The following PALB2 variants were observed in gnomAD, a reference collection of about 807,000 sequenced individuals.
PALB2 encodes partner and localizer of BRCA2.
PALB2 carries 82 observed loss-of-function variants against 107.4 expected under a neutral mutation model. That is an observed-to-expected ratio of 0.76 (90% CI 0.64 to 0.92). The LOEUF (loss-of-function observed/expected upper bound fraction) is 0.92, where lower values mean the gene tolerates loss of function less well. Ranked by LOEUF, PALB2 falls within the 40% of genes least tolerant of loss-of-function variation. The probability of loss-of-function intolerance (pLI) is 0.00; values close to 1 mark genes in which losing one functional copy is unlikely to be tolerated. For missense variants in PALB2, 1,374 were observed against 1,379.9 expected, an observed-to-expected ratio of 1.00 and a Z score of 0.07; for synonymous variants, 489 against 496.8, an observed-to-expected ratio of 0.98 and a Z score of 0.21.
Position 23,641,279 on chromosome 16 carries a change from C to G in PALB2, c.-122G>C. On this transcript the variant is annotated 5_prime_UTR_variant, in exon 1 of 13. Transcript: ENST00000261584. ...AGGAATGGGGAGCCCGGGATCGCAC[C>G]CTCAGTGCGCGATCAGCTGACCCAC... 1 of 1,295,202 alleles carries G rather than the reference C, an allele frequency of 7.7e-7. No individual in the cohort carries two copies. The allele number at this position is 1,295,202 out of a possible 1,614,324, so 80.2% of individuals were successfully genotyped here.
At position 23,641,270 on chromosome 16, in the gene PALB2, G is replaced by C; in HGVS notation, c.-113C>G. 7.2e-7 allele frequency: 1 copy of C among 1,379,658 alleles called. No homozygotes were observed. The highest frequency in any genetic ancestry group is 1.0e-6 in the Non-Finnish European group (1 of 996,132). 85.5% of individuals were successfully genotyped at this position (1,379,658 alleles called of 1,614,324 possible). A position where few individuals can be genotyped will look rare whatever the true frequency, so the allele number is the denominator to read the frequency against. On this transcript the variant is annotated 5_prime_UTR_variant, in exon 1 of 13. Coordinates refer to ENST00000261584, the MANE Select transcript of PALB2 (RefSeq NM_024675.4). ...GCCCCAGGAAGGAATGGGGAGCCCG[G>C]GATCGCACCCTCAGTGCGCGATCAG...
chr16:23,635,626 T>G lies in PALB2; in HGVS notation c.920A>C (p.Lys307Thr), dbSNP rs2142430999. The G allele has an allele frequency of 3.7e-6, 6 of 1,614,170 alleles. No homozygotes were observed. The highest frequency in any genetic ancestry group is 5.1e-6 in the Non-Finnish European group (6 of 1,180,020). The change falls in exon 4 of 13, where the codon AAA (lysine) becomes ACA (threonine). Residue 307 changes from lysine to threonine, a missense_variant. By Grantham distance (78) the Lys-to-Thr change is moderately conservative. Coordinates refer to ENST00000261584, the MANE Select transcript of PALB2 (RefSeq NM_024675.4). The part of the protein sequence containing the change: ...TVSTDNLLVN[K>T]AISKSGQLPT... ...CAGTTGGCCACTTTTACTTATAGCT[T>G]TATTTACAAGGAGGTTATCTGTAGA...
Position 23,621,037 on chromosome 16 carries a change from T to C in PALB2, c.3113+325A>G, listed in dbSNP as rs8061190. ...CAACCTGGCCAACATGATGAAACCC[T>C]ATCTCTACTAAAAAATACAAAAATT... On this transcript the variant is annotated intron_variant, in intron 10 of 12. Coordinates refer to ENST00000261584, the MANE Select transcript of PALB2 (RefSeq NM_024675.4). 0.2 allele frequency among the ~76,000 whole-genome samples: 30,566 copies of C among 152,064 alleles called. 3,164 individuals carry two copies. The highest frequency in any genetic ancestry group is 0.23 in the African/African-American group (9,538 of 41,488).
At chr16:23,608,034 T>C (rs1246437141) in intron 11 of PALB2, 22 bp from the exon 12 acceptor site, 6 of 1,608,784 alleles carry the variant, frequency 3.7e-6, no homozygotes, top group South Asian at 1.1e-5. Flanking sequence ...GAAAAATAAA[T>C]ATCCCAAATA....
At chr16:23,627,768 G>A (rs543773498) in intron 6 of PALB2, among the ~76,000 whole-genome samples, 11 of 152,120 alleles carry the variant, frequency 7.2e-5, no homozygotes, top group Non-Finnish European at 1.6e-4. Context: ...CCCACGTAAT[G>A]GCCAACTCTC....
Position 23,621,440 on chromosome 16 carries a change from G to A in PALB2, c.3035C>T (p.Thr1012Ile), listed in dbSNP as rs761032954. ...ENQFLMPPEE[T>I]ILTFAEVQGM... ...TTGGACCTCAGCAAAAGTTAGTATA[G>A]TCTCCTCAGGGGGCATCAAAAATTG... Residue 1012 changes from threonine (T) to isoleucine (I), a missense_variant, in exon 10 of 13, where the codon ACT becomes ATT. Coordinates refer to ENST00000261584, the MANE Select transcript of PALB2 (RefSeq NM_024675.4). The A allele has an allele frequency of 1.7e-5, 28 of 1,613,960 alleles. No individual in the cohort carries two copies. In the East Asian group the frequency reaches 2.9e-4, roughly 17 times the overall value.
At chr16:23,604,066 A>G (rs1966416905) in intron 12 of PALB2, among the ~76,000 whole-genome samples, 1 of 152,186 alleles carries the variant, frequency 6.6e-6, no homozygotes. Flanking sequence ...GTCCATAGAA[A>G]GGTCACCCCT....
In PALB2 at chr16:23,603,400, C is replaced by A; in HGVS notation, c.*59G>T. On this transcript the variant is annotated 3_prime_UTR_variant, in exon 13 of 13. Transcript: ENST00000261584. ...GATATTCTCCTTTATATTTAAAACT[C>A]CAAAAAATACTAAGAGGCCCAATAT... 1 of 1,418,972 alleles carries A rather than the reference C, an allele frequency of 7.0e-7. No individual in the cohort carries two copies. The highest frequency in any genetic ancestry group is 1.0e-6 in the Non-Finnish European group (1 of 1,004,294). The allele number at this position is 1,418,972 out of a possible 1,614,324, so 87.9% of individuals were successfully genotyped here. A position where few individuals can be genotyped will look rare whatever the true frequency, so the allele number is the denominator to read the frequency against.
At chr16:23,605,551 G>GGT (rs777805138) in intron 12 of PALB2, among the ~76,000 whole-genome samples, 1 of 152,102 alleles carries the variant, frequency 6.6e-6, no homozygotes, top group Non-Finnish European at 1.5e-5. Flanking sequence ...TGGGATTACT[G>GGT]GTGCACACCA....
chr16:23,627,139 C>T (rs573336608), intron 6 of PALB2, among the ~76,000 whole-genome samples: 1 of 152,098 alleles, frequency 6.6e-6, no homozygotes, highest in Non-Finnish European at 1.5e-5. Context: ...ATGTATCAAA[C>T]CACAGAGCGT....
chr16:23,616,391 T>A (rs1230145267), intron 10 of PALB2, among the ~76,000 whole-genome samples: 1 of 152,188 alleles, frequency 6.6e-6, no homozygotes, highest in Non-Finnish European at 1.5e-5. Context: ...GAAAATTAAA[T>A]TTTTATGTGC....
chr16:23,633,529 A>C (rs1006937652), intron 4 of PALB2, among the ~76,000 whole-genome samples: 2 of 152,228 alleles, frequency 1.3e-5, no homozygotes, highest in Non-Finnish European at 2.9e-5. Flanking sequence ...AGATATGATT[A>C]AATTCTCAGT....
intron 7 of PALB2, among the ~76,000 whole-genome samples, chr16:23,624,618 A>G (rs1966835546): frequency 6.6e-6 from 1 of 152,180 alleles, no homozygotes; most frequent in African/African-American, 2.4e-5. Context: ...GGTTCAAGCG[A>G]TTCTCCTGCC....
At position 23,635,329 on chromosome 16, in the gene PALB2, G is replaced by T. The variant is rs1060502757; in HGVS notation, c.1217C>A (p.Ala406Glu). Residue 406 changes from alanine (A) to glutamate (E), a missense_variant, in exon 4 of 13, where the codon GCA becomes GAA. By Grantham distance (107) the Ala-to-Glu change is moderately radical (BLOSUM62 -1). Coordinates refer to ENST00000261584, the MANE Select transcript of PALB2 (RefSeq NM_024675.4). ...TCGTGTTGTTCTAACATAATATTCTGCAGGAAACAGAAGGCCTTCAGGCAC... is the reference window on the plus strand; with the variant it reads ...TCGTGTTGTTCTAACATAATATTCTTCAGGAAACAGAAGGCCTTCAGGCAC... ...CTVPEGLLFP[A>E]EYYVRTTRSM... The T allele has an allele frequency of 1.2e-6, 2 of 1,613,822 alleles. No individual in the cohort carries two copies. The highest frequency in any genetic ancestry group is 2.2e-5 in the South Asian group (2 of 91,088).
chr16:23,631,279 CAAAAAAAAAAAAAAAA>C (rs1157091932), intron 4 of PALB2, among the ~76,000 whole-genome samples: 1 of 23,646 alleles, frequency 4.2e-5, no homozygotes, highest in East Asian at 1.5e-3. Flanking sequence ...GACTCTGTCT[CAAAAAAAAAAAAAAAA>C]AAAAAAAAAA....
At chr16:23,614,499 G>C (rs1404222608) in intron 10 of PALB2, among the ~76,000 whole-genome samples, 1 of 152,146 alleles carries the variant, frequency 6.6e-6, no homozygotes, top group Non-Finnish European at 1.5e-5. Flanking sequence ...ACACCTAAAA[G>C]AGAGTTACAA....
chr16:23,623,755 T>C (rs1020303366), intron 8 of PALB2: 2 of 447,076 alleles, frequency 4.5e-6, no homozygotes, highest in East Asian at 4.6e-5. Flanking sequence ...CTGACCTCAG[T>C]TGATCCACCT....
chr16:23,609,737 C>T (rs370399315), intron 11 of PALB2, among the ~76,000 whole-genome samples: 15 of 152,282 alleles, frequency 9.9e-5, no homozygotes, highest in African/African-American at 2.6e-4. Context: ...AGGATGGTCT[C>T]GATCTCCTGA....
Position 23,635,720 on chromosome 16 carries a change from G to A in PALB2, c.826C>T (p.His276Tyr), listed in dbSNP as rs876658815. The change falls in exon 4 of 13, where the codon CAC (histidine) becomes TAC (tyrosine). Residue 276 changes from histidine to tyrosine, a missense_variant. Coordinates refer to ENST00000261584, the MANE Select transcript of PALB2 (RefSeq NM_024675.4). ...PPKGSSELTT[H>Y]DLKNIRFTSP... The stretch of plus-strand genomic sequence containing the variant: ...GTAAATCTAATGTTTTTTAGGTCGT[G>A]AGTAGTAAGTTCACTGCTACCTTTA... 6.2e-7 allele frequency: 1 copy of A among 1,614,132 alleles called. No homozygotes were observed.
Sources: gnomAD v4.1 joint callset for allele counts (sites outside exome capture counted in the v4.1 genomes callset) on GRCh38, gnomAD v4.1.1 for gene constraint, MANE v1.5 for transcripts, NCBI Gene and HGNC (gene_info 2026-07-23, HGNC 2026-07-21) for gene names.